The following TRNT1 variants were observed in gnomAD, a reference collection of about 807,000 sequenced individuals.
TRNT1 encodes CCA tRNA nucleotidyltransferase 1, mitochondrial.
TRNT1 carries 44 observed loss-of-function variants against 45.6 expected under a neutral mutation model. The observed-to-expected ratio is 0.97, with a 90% confidence interval of 0.76 to 1.24. The LOEUF is 1.24. Ranked by LOEUF, TRNT1 falls within the 50% of genes most tolerant of loss-of-function variation. TRNT1 has a pLI of 0.00. For synonymous variants in TRNT1, 201 were observed against 171.4 expected, an observed-to-expected ratio of 1.17 and a Z score of -1.35; for missense variants, 633 against 504.4, an observed-to-expected ratio of 1.25 and a Z score of -2.44.
At chr3:3,145,935 C>T (rs183099755) in intron 5 of TRNT1, among the ~76,000 whole-genome samples, 46 of 151,528 alleles carry the variant, frequency 3.0e-4, no homozygotes, top group Middle Eastern at 3.4e-3. Flanking sequence ...GAAATATACT[C>T]CAGGGTGCGC....
Position 3,147,464 on chromosome 3 carries a change from G to C in TRNT1, c.817G>C (p.Ala273Pro). 1 of 1,613,478 alleles carries C rather than the reference G, an allele frequency of 6.2e-7. No individual in the cohort carries two copies. Among genetic ancestry groups the C allele is most frequent in the Non-Finnish European group, 8.5e-7 (1 of 1,179,612 alleles). Reference protein sequence around the residue: ...VAPYIGLPANASLEEFDKVSK... With the variant: ...VAPYIGLPANPSLEEFDKVSK... The stretch of plus-strand genomic sequence containing the variant: ...TGTCCCTACAGGTTTACCTGCTAAT[G>C]CAAGTTTAGAAGAATTTGACAAAGT... The change falls in exon 7 of 8, where the codon GCA becomes CCA. Residue 273 changes from alanine (A) to proline (P), a missense_variant. Ala to Pro is a conservative substitution (Grantham distance 27, BLOSUM62 -1). Coordinates refer to ENST00000251607, the MANE Select transcript of TRNT1 (RefSeq NM_182916.3).
At chr3:3,137,661 C>T (rs140275799) in intron 3 of TRNT1, among the ~76,000 whole-genome samples, 7 of 152,048 alleles carry the variant, frequency 4.6e-5, no homozygotes, top group African/African-American at 9.7e-5. Context: ...TTGTATGCTA[C>T]GGGTATTTAC....
chr3:3,141,271 C>T (rs1253722754), intron 4 of TRNT1, among the ~76,000 whole-genome samples: 2 of 152,178 alleles, frequency 1.3e-5, no homozygotes, highest in African/African-American at 2.4e-5. Context: ...TTCTTAACTG[C>T]ATATAAACAT....
At chr3:3,140,382 TA>T in intron 3 of TRNT1, 127 bp from the exon 4 acceptor site, 1 of 820,456 alleles carries the variant, frequency 1.2e-6, no homozygotes, top group Non-Finnish European at 1.9e-6. Flanking sequence ...TAGTTGACGT[TA>T]AAAAGACTAT....
In TRNT1 at chr3:3,133,637, A is replaced by G. The variant is rs776972042; in HGVS notation, c.149-3623A>G. On this transcript the variant is annotated intron_variant, in intron 2 of 7. Transcript: ENST00000251607. ...AATGCAGACGATTTTTGCCTGAGCT[A>G]ACAGCATTAATGGATGAGCAAGGAC... Among the ~76,000 whole-genome samples, 15 of 152,008 alleles carry G rather than the reference A, an allele frequency of 9.9e-5. 1 individual carries two copies. The highest frequency in any genetic ancestry group is 6.5e-5 in the Admixed American group (1 of 15,280).
downstream of TRNT1, among the ~76,000 whole-genome samples, chr3:3,151,348 A>C (rs1706535427): frequency 6.6e-6 from 1 of 151,946 alleles, no homozygotes; most frequent in South Asian, 2.1e-4. Flanking sequence ...CCACATTCTA[A>C]CTTGTACTGG....
chr3:3,147,803 T>C (rs192847394), intron 7 of TRNT1, 100 bp downstream of exon 7: 9 of 1,518,690 alleles, frequency 5.9e-6, no homozygotes, highest in East Asian at 2.3e-5. Flanking sequence ...ATTTTACTTA[T>C]TTTAAATGAA....
chr3:3,150,847 T>TTATCTC (rs1706484597), downstream of TRNT1: 1 of 1,428,066 alleles, frequency 7.0e-7, no homozygotes, highest in Non-Finnish European at 9.7e-7. Context: ...TAGATAACTT[T>TTATCTC]ATCTCTATCA....
chr3:3,151,154 G>T, downstream of TRNT1: 1 of 1,163,742 alleles, frequency 8.6e-7, no homozygotes, highest in Non-Finnish European at 1.2e-6. Context: ...AAGGATTAGA[G>T]ATTCTAAGTT....
chr3:3,146,707 TTTGG>T (rs940793420), intron 6 of TRNT1, 84 bp downstream of exon 6: 1 of 1,271,030 alleles, frequency 7.9e-7, no homozygotes, highest in African/African-American at 1.5e-5. Flanking sequence ...GTTTGACTCA[TTTGG>T]TTGAAGAATT....
At chr3:3,129,788 A>G (rs1704884992) in intron 2 of TRNT1, 1 of 1,339,066 alleles carries the variant, frequency 7.5e-7, no homozygotes, top group East Asian at 2.5e-5. Context: ...TGAAAAAGGA[A>G]ACAGATTGTT....
intron 2 of TRNT1, chr3:3,136,780 A>C: frequency 2.7e-6 from 1 of 370,158 alleles, no homozygotes; most frequent in Non-Finnish European, 5.2e-6. Flanking sequence ...TCAGCCTCCC[A>C]AGTAGCTGGG....
At chr3:3,129,843 G>A in intron 2 of TRNT1, 2 of 1,548,296 alleles carry the variant, frequency 1.3e-6, no homozygotes, top group Non-Finnish European at 1.7e-6. Flanking sequence ...CTACTAACTA[G>A]AGAGCTAGGT....
rs1410048027 is a variant in TRNT1, at chr3:3,140,608, T to TG, written c.442dup (p.Ala148GlyfsTer16). ...AATTTACAACTGACTGGCAGAAAGA[T>TG]GCGGAACGCAGAGATCTCACTATAA... is the stretch of plus-strand genomic sequence containing the variant. On this transcript the variant is annotated frameshift_variant, in exon 4 of 8. Transcript: ENST00000251607. LOFTEE classifies it high-confidence loss of function. 1.9e-6 allele frequency: 3 copies of TG among 1,614,186 alleles called. No homozygotes were observed. Among genetic ancestry groups the TG allele is most frequent in the Middle Eastern group, 1.6e-4 (1 of 6,062 alleles).
intron 5 of TRNT1, chr3:3,144,925 C>T (rs1463107340): frequency 3.6e-6 from 1 of 280,780 alleles, no homozygotes; most frequent in East Asian, 7.7e-5. Flanking sequence ...TACTTTATGT[C>T]ATCTTTCCTA....
At chr3:3,138,529 C>T (rs1659397809) in intron 3 of TRNT1, among the ~76,000 whole-genome samples, 1 of 152,166 alleles carries the variant, frequency 6.6e-6, no homozygotes, top group African/African-American at 2.4e-5. Flanking sequence ...ATGTTTCTTT[C>T]ATAATTTCAT....
At chr3:3,144,381 T>A (rs565724348) in intron 4 of TRNT1, among the ~76,000 whole-genome samples, 1 of 152,248 alleles carries the variant, frequency 6.6e-6, no homozygotes, top group Admixed American at 6.5e-5. Flanking sequence ...TTAGTTGCAA[T>A]TGTAAATGCA....
Position 3,148,932 on chromosome 3 carries a change from T to TATTA in TRNT1, c.*784_*787dup, listed in dbSNP as rs1254377253. 8 of 148,430 alleles carry TATTA rather than the reference T, an allele frequency of 5.4e-5. No individual in the cohort carries two copies. Among genetic ancestry groups the TATTA allele is most frequent in the African/African-American group, 5.0e-5 (2 of 39,796 alleles). The allele number at this position is 148,430 out of a possible 1,614,324, so 9.2% of individuals were successfully genotyped here. On this transcript the variant is annotated 3_prime_UTR_variant, in exon 8 of 8. Coordinates refer to ENST00000251607, the MANE Select transcript of TRNT1 (RefSeq NM_182916.3). ...TATGCCTGTCTTTAAAGTGTTATTT[T>TATTA]ATTAATTAAAAGGATATGGCTATTA...
At chr3:3,130,248 G>C (rs1704927163) in intron 2 of TRNT1, 1 of 362,244 alleles carries the variant, frequency 2.8e-6, no homozygotes, top group Admixed American at 4.4e-5. Flanking sequence ...ACATGCTCGG[G>C]TTCTACCTGC....
Sources: gnomAD v4.1 joint callset for allele counts (sites outside exome capture counted in the v4.1 genomes callset) on GRCh38, gnomAD v4.1.1 for gene constraint, MANE v1.5 for transcripts, NCBI Gene and HGNC (gene_info 2026-07-23, HGNC 2026-07-21) for gene names.